The following IPO8 variants were observed in gnomAD, a reference collection of about 807,000 sequenced individuals.
IPO8 encodes the protein importin 8, also known as importin-8.
A neutral mutation model predicts 141.2 loss-of-function variants in IPO8; 65 were observed. The observed-to-expected ratio is 0.46, with a 90% CI of 0.38 to 0.57. IPO8 has a LOEUF of 0.57. Among genes scored for constraint, IPO8 ranks in the 20% least tolerant of loss-of-function variants. The pLI, the probability that IPO8 is intolerant of heterozygous loss-of-function variation, is 0.00. For missense variants in IPO8, 980 were observed against 1,246.8 expected, an observed-to-expected ratio of 0.79 and a Z score of 3.22; for synonymous variants, 411 against 420.3, an observed-to-expected ratio of 0.98 and a Z score of 0.27.
At position 30,669,302 on chromosome 12, in the gene IPO8, AAAAC is replaced by A. The variant is rs1158307567; in HGVS notation, c.1045-24_1045-21del. On this transcript the variant is annotated intron_variant, in intron 9 of 24. Transcript: ENST00000256079. ...GATATTCTAAAATGAGAAAAAAAAA[AAAAC>A]GTAACAAATGGGTATAGGCTATTCA... The A allele has an allele frequency of 5.6e-6, 7 of 1,239,956 alleles. No homozygotes were observed. The Admixed American group carries it at 5.7e-5, about 10-fold the overall frequency. 76.8% of individuals were successfully genotyped at this position (1,239,956 alleles called of 1,614,324 possible). A position where few individuals can be genotyped will look rare whatever the true frequency, so the allele number is the denominator to read the frequency against.
At chr12:30,665,625 T>A (rs2052951981) in intron 12 of IPO8, 104 bp downstream of exon 12, 6 of 720,104 alleles carry the variant, frequency 8.3e-6, no homozygotes, top group East Asian at 2.6e-5. Context: ...AACTCAATTA[T>A]CCAGAGGTAG....
At position 30,695,424 on chromosome 12, in the gene IPO8, G is replaced by T; in HGVS notation, c.84+140C>A. The T allele has an allele frequency of 1.5e-6, 1 of 671,140 alleles. No homozygotes were observed. 41.6% of individuals were successfully genotyped at this position (671,140 alleles called of 1,614,324 possible). ...CTCCACTGGACCGGGGGGCAGCGGG[G>T]TCGGAGAGCGGGACCAGCCGTGAGG... On this transcript the variant is annotated intron_variant, in intron 1 of 24. Coordinates refer to ENST00000256079, the MANE Select transcript of IPO8 (RefSeq NM_006390.4). The surrounding 1 kb of genome is among the most constrained non-coding windows in gnomAD (Gnocchi z 4.2).
chr12:30,632,600 T>C (rs2136121842), intron 23 of IPO8, among the ~76,000 whole-genome samples: 1 of 152,282 alleles, frequency 6.6e-6, no homozygotes, highest in South Asian at 2.1e-4. Context: ...CACCCAAAGC[T>C]CTGCTTCTTT....
intron 9 of IPO8, among the ~76,000 whole-genome samples, chr12:30,670,255 G>A (rs973191307): frequency 6.6e-6 from 1 of 152,092 alleles, no homozygotes; most frequent in Non-Finnish European, 1.5e-5. Flanking sequence ...TTCTATCCTG[G>A]ACAGCAAACA....
At chr12:30,674,610 T>C (rs1230444915) in intron 7 of IPO8, 49 bp downstream of exon 7, 4 of 1,285,376 alleles carry the variant, frequency 3.1e-6, no homozygotes, top group South Asian at 1.2e-5. Context: ...TCATATCTGA[T>C]ACTGAGATAC....
At chr12:30,674,788 C>A in intron 6 of IPO8, 35 bp from the exon 7 acceptor site, 1 of 1,338,748 alleles carries the variant, frequency 7.5e-7, no homozygotes, top group Non-Finnish European at 1.1e-6. Context: ...TAAAGTTCTG[C>A]ATAATAAAAG....
At chr12:30,645,754 C>T (rs977464073) in intron 20 of IPO8, among the ~76,000 whole-genome samples, 3 of 151,944 alleles carry the variant, frequency 2.0e-5, no homozygotes, top group South Asian at 2.1e-4. Context: ...AGATAAATTA[C>T]GTTGAAAAAT....
chr12:30,678,993 T>G (rs921877720), intron 5 of IPO8, among the ~76,000 whole-genome samples: 1 of 152,130 alleles, frequency 6.6e-6, no homozygotes, highest in African/African-American at 2.4e-5. Context: ...GCACCCGCCA[T>G]CATTTCTGGC....
At chr12:30,683,815 A>C (rs1158869014) in intron 3 of IPO8, among the ~76,000 whole-genome samples, 1 of 152,228 alleles carries the variant, frequency 6.6e-6, no homozygotes, top group Non-Finnish European at 1.5e-5. Flanking sequence ...AACTGGAGAC[A>C]GTTCTTCTAG....
intron 3 of IPO8, among the ~76,000 whole-genome samples, chr12:30,683,128 A>G (rs973933955): frequency 6.6e-6 from 1 of 152,210 alleles, no homozygotes; most frequent in Non-Finnish European, 1.5e-5. Context: ...TCCTTCATGC[A>G]TTACTGTGTA....
intron 17 of IPO8, among the ~76,000 whole-genome samples, chr12:30,654,610 C>CA (rs1414300215): frequency 5.9e-5 from 9 of 151,580 alleles, no homozygotes; most frequent in Non-Finnish European, 3.0e-5. Context: ...AACAAGTATA[C>CA]AAAAAAATAT....
At chr12:30,689,849 A>G (rs557764666) in intron 2 of IPO8, among the ~76,000 whole-genome samples, 18 of 152,304 alleles carry the variant, frequency 1.2e-4, no homozygotes, top group Admixed American at 5.2e-4. Flanking sequence ...TTAAATACTT[A>G]TTTTTAATTA....
chr12:30,676,274 GAA>G (rs898779708), intron 6 of IPO8, among the ~76,000 whole-genome samples: 1 of 151,496 alleles, frequency 6.6e-6, no homozygotes, highest in African/African-American at 2.4e-5. Flanking sequence ...AGATGCAGAG[GAA>G]AAAAAGACTA....
intron 17 of IPO8, among the ~76,000 whole-genome samples, chr12:30,654,059 G>A (rs562853872): frequency 6.6e-6 from 1 of 151,926 alleles, no homozygotes; most frequent in Non-Finnish European, 1.5e-5. Flanking sequence ...CCCATTTAGG[G>A]TCAATTAATT....
Position 30,665,283 on chromosome 12 carries a change from C to T in IPO8, c.1365G>A (p.Glu455=). ...LKKSLFKDQM[E]LFLQNHVFPL... is the part of the protein sequence containing the mutation. ...GAAATACATGATTTTGTAGAAACAGCTCCATTTGGTCCTTGAATAAACTCT... is the reference window on the plus strand; with the variant it reads ...GAAATACATGATTTTGTAGAAACAGTTCCATTTGGTCCTTGAATAAACTCT... Residue 455 remains glutamate (E), a synonymous_variant, in exon 13 of 25, where the codon GAG becomes GAA. Coordinates refer to ENST00000256079, the MANE Select transcript of IPO8 (RefSeq NM_006390.4). The T allele has an allele frequency of 6.3e-7, 1 of 1,596,476 alleles. No individual in the cohort carries two copies.
intron 15 of IPO8, 139 bp downstream of exon 15, chr12:30,662,188 G>T: frequency 1.6e-6 from 1 of 639,312 alleles, no homozygotes. Flanking sequence ...GTGCACCATC[G>T]TATATGCAAT....
chr12:30,694,237 T>G (rs1235486281), intron 1 of IPO8, among the ~76,000 whole-genome samples: 2 of 152,208 alleles, frequency 1.3e-5, no homozygotes, highest in African/African-American at 4.8e-5. Context: ...ACTTTTACTC[T>G]GCAAAGCCTG....
chr12:30,641,718 C>A (rs1248660872), intron 20 of IPO8, among the ~76,000 whole-genome samples: 1 of 151,562 alleles, frequency 6.6e-6, no homozygotes, highest in African/African-American at 2.4e-5. Flanking sequence ...CTAAAAAAAA[C>A]AAACAGTAGT....
chr12:30,688,711 A>G (rs1253051143), intron 2 of IPO8: 1 of 175,426 alleles, frequency 5.7e-6, no homozygotes, highest in Non-Finnish European at 1.2e-5. Context: ...TCAAAACTTC[A>G]TTAAGTTGTA....
Sources: gnomAD v4.1 joint callset for allele counts (sites outside exome capture counted in the v4.1 genomes callset) on GRCh38, gnomAD v4.1.1 for gene constraint, Gnocchi (gnomAD v3.1) non-coding constraint, MANE v1.5 for transcripts, NCBI Gene and HGNC (gene_info 2026-07-23, HGNC 2026-07-21) for gene names.